ACER2: variants seen among roughly 807,000 people sequenced by gnomAD.
ACER2 encodes alkaline ceramidase 2.
ACER2 carries 26 observed loss-of-function variants against 34.7 expected under a neutral mutation model. The observed-to-expected ratio is 0.75, with a 90% CI of 0.55 to 1.04. The LOEUF (loss-of-function observed/expected upper bound fraction) is 1.04, where lower values mean the gene tolerates loss of function less well. ACER2 is among the 50% of genes least tolerant of loss of function. The pLI, the probability that ACER2 is intolerant of heterozygous loss-of-function variation, is 0.00. For synonymous variants in ACER2, 138 were observed against 132.1 expected (o/e 1.04, Z -0.31); for missense variants, 352 against 340.8 (o/e 1.03, Z -0.26).
At chr9:19,440,655 A>T (rs1227627151) in intron 4 of ACER2, among the ~76,000 whole-genome samples, 6 of 152,144 alleles carry the variant, frequency 3.9e-5, no homozygotes, top group African/African-American at 7.2e-5. Context: ...CCAGTATACA[A>T]TGTTTTGTTA....
chr9:19,410,808 T>A (rs1830066059), intron 1 of ACER2, among the ~76,000 whole-genome samples: 1 of 152,190 alleles, frequency 6.6e-6, no homozygotes, highest in Non-Finnish European at 1.5e-5. Context: ...GGGTAAATAG[T>A]TGCACACAGA....
chr9:19,416,419 G>C (rs550777510), intron 1 of ACER2, among the ~76,000 whole-genome samples: 4 of 152,294 alleles, frequency 2.6e-5, no homozygotes, highest in African/African-American at 9.6e-5. Flanking sequence ...GGAAGGAGCC[G>C]GGCTCTGTGC....
At chr9:19,409,332 C>T in intron 1 of ACER2, 140 bp downstream of exon 1, 1 of 727,922 alleles carries the variant, frequency 1.4e-6, no homozygotes, top group Non-Finnish European at 2.2e-6. Flanking sequence ...TCCACACCCC[C>T]TCCTCGGCGC....
At chr9:19,423,090 A>G (rs1589041599) in intron 1 of ACER2, among the ~76,000 whole-genome samples, 1 of 151,794 alleles carries the variant, frequency 6.6e-6, no homozygotes, top group East Asian at 1.9e-4. Flanking sequence ...ACCTAGTCCC[A>G]GCTACTTGGG....
intron 4 of ACER2, among the ~76,000 whole-genome samples, chr9:19,437,146 G>A (rs776108943): frequency 3.9e-5 from 6 of 152,036 alleles, no homozygotes; most frequent in South Asian, 2.1e-4. Flanking sequence ...GTCCATCCTC[G>A]TCTCTTTCCT....
intron 1 of ACER2, among the ~76,000 whole-genome samples, chr9:19,418,762 G>T (rs550034083): frequency 6.6e-6 from 1 of 152,224 alleles, no homozygotes; most frequent in Non-Finnish European, 1.5e-5. Context: ...GTTGATGGGT[G>T]CAGTAAACCA....
intron 1 of ACER2, among the ~76,000 whole-genome samples, chr9:19,416,580 C>T (rs1467203519): frequency 2.0e-5 from 3 of 152,042 alleles, no homozygotes; most frequent in African/African-American, 4.8e-5. Context: ...GGCTGGAGTG[C>T]AATGGTGTGA....
intron 4 of ACER2, among the ~76,000 whole-genome samples, chr9:19,438,029 T>C (rs1398151872): frequency 6.6e-6 from 1 of 152,226 alleles, no homozygotes; most frequent in Non-Finnish European, 1.5e-5. Context: ...ATCTTGCTAA[T>C]GACTGGGCAA....
At chr9:19,427,631 C>A (rs762604036) in intron 3 of ACER2, among the ~76,000 whole-genome samples, 14 of 134,938 alleles carry the variant, frequency 1.0e-4, no homozygotes, top group Admixed American at 2.1e-4. Context: ...CTCCCTCCCC[C>A]CCTCCTTTCT....
chr9:19,440,200 A>T (rs1036121220), intron 4 of ACER2, among the ~76,000 whole-genome samples: 2 of 152,130 alleles, frequency 1.3e-5, no homozygotes, highest in Non-Finnish European at 1.5e-5. Context: ...GGCTCCTGTG[A>T]TAACACATCC....
intron 4 of ACER2, among the ~76,000 whole-genome samples, chr9:19,444,472 A>T (rs183635655): frequency 6.6e-6 from 1 of 152,170 alleles, no homozygotes; most frequent in Non-Finnish European, 1.5e-5. Flanking sequence ...CGGCCTCCCA[A>T]AGTGCTGGAA....
chr9:19,439,499 C>T (rs983392560), intron 4 of ACER2, among the ~76,000 whole-genome samples: 2 of 152,154 alleles, frequency 1.3e-5, no homozygotes, highest in Non-Finnish European at 2.9e-5. Flanking sequence ...TGTGTGCCAC[C>T]ATGCCTGGCT....
chr9:19,421,097 A>G (rs897513654), intron 1 of ACER2, among the ~76,000 whole-genome samples: 3 of 152,216 alleles, frequency 2.0e-5, no homozygotes, highest in African/African-American at 7.2e-5. Flanking sequence ...TGTACTGGAC[A>G]CTGTAGGCAA....
Position 19,424,261 on chromosome 9 carries a change from C to G in ACER2, c.223+285C>G, listed in dbSNP as rs1830494989. 3 of 693,024 alleles carry G rather than the reference C, an allele frequency of 4.3e-6. No individual in the cohort carries two copies. In the South Asian group the frequency reaches 2.0e-4, roughly 45 times the overall value. 42.9% of individuals were successfully genotyped at this position (693,024 alleles called of 1,614,324 possible). A position where few individuals can be genotyped will look rare whatever the true frequency, so the allele number is the denominator to read the frequency against. ...AAGAAAGTCAGGTGAAACAACTGAA[C>G]TCTGGGGAGGCTGGTTTCTAATGGA... On this transcript the variant is annotated intron_variant, in intron 2 of 5. Coordinates refer to ENST00000340967, the MANE Select transcript of ACER2 (RefSeq NM_001010887.3).
At chr9:19,411,625 C>T (rs1830090743) in intron 1 of ACER2, among the ~76,000 whole-genome samples, 2 of 152,184 alleles carry the variant, frequency 1.3e-5, no homozygotes, top group Non-Finnish European at 1.5e-5. Context: ...TTGAGAAAGA[C>T]AGTAGACTGT....
chr9:19,412,434 T>C (rs1830112363), intron 1 of ACER2, among the ~76,000 whole-genome samples: 1 of 151,944 alleles, frequency 6.6e-6, no homozygotes, highest in Admixed American at 6.6e-5. Flanking sequence ...AGGCAGATCA[T>C]TTGAGGTCAG....
chr9:19,428,514 G>C (rs1830650950), intron 3 of ACER2, among the ~76,000 whole-genome samples: 1 of 151,722 alleles, frequency 6.6e-6, no homozygotes, highest in Non-Finnish European at 1.5e-5. Flanking sequence ...TTTAATGTGA[G>C]ATTTTTGGAG....
chr9:19,423,322 C>G (rs1460926392), intron 1 of ACER2, among the ~76,000 whole-genome samples: 1 of 152,124 alleles, frequency 6.6e-6, no homozygotes, highest in Non-Finnish European at 1.5e-5. Flanking sequence ...TATAGCTACT[C>G]CTATGATCAA....
At chr9:19,425,853 A>G (rs754520202) in intron 3 of ACER2, among the ~76,000 whole-genome samples, 4 of 152,228 alleles carry the variant, frequency 2.6e-5, no homozygotes, top group Non-Finnish European at 4.4e-5. Context: ...CTATGGATTC[A>G]GTGAAGCAAA....
Sources: allele counts gnomAD v4.1 joint callset (sites outside exome capture counted in the v4.1 genomes callset), GRCh38; gene constraint gnomAD v4.1.1; transcripts MANE v1.5; gene names NCBI Gene and HGNC (gene_info 2026-07-23, HGNC 2026-07-21).